The following TTN variants were observed in gnomAD, a reference collection of about 807,000 sequenced individuals.
The protein encoded by TTN is titin.
TTN carries 1,525 observed loss-of-function variants against 3,223.0 expected under a neutral mutation model. The observed-to-expected ratio is 0.47, with a 90% confidence interval of 0.45 to 0.49. The LOEUF (loss-of-function observed/expected upper bound fraction) is 0.49. TTN is among the 20% of genes least tolerant of loss of function. The pLI is 0.00. For synonymous variants in TTN, 14,094 were observed against 15,161.0 expected (o/e 0.93, Z 5.17); for missense variants, 40,786 against 43,424.0 (o/e 0.94, Z 5.40).
In TTN at chr2:178,713,334, C is replaced by A; in HGVS notation, c.26800G>T (p.Glu8934Ter). The change falls in exon 93 of 363, where the codon GAG becomes TAG. Residue 8934 changes from glutamate (E) to a stop codon, truncating the protein, a stop_gained. Coordinates refer to ENST00000589042, the MANE Select transcript of TTN (RefSeq NM_001267550.2). LOFTEE classifies it high-confidence loss of function. ...GAGGAGCCGGATAGACCATTTGTCTCTTTCAATTTTCTTGTGAATGAAGGA... is the reference window on the plus strand; with the variant it reads ...GAGGAGCCGGATAGACCATTTGTCTATTTCAATTTTCTTGTGAATGAAGGA... ...VPPSFTRKLK[E>*]TNGLSGSSVV... The A allele has an allele frequency of 6.4e-7, 1 of 1,558,786 alleles. No homozygotes were observed. The highest frequency in any genetic ancestry group is 2.4e-5 in the East Asian group (1 of 41,816).
rs1553970119 is a variant in TTN, at chr2:178,757,776, C to T, written c.10444G>A (p.Val3482Ile). Reference sequence around the variant, plus strand: ...CCAGAAACCCTCGCATGAAATCTGACTGTCTCCCCGTTGTGCACCCTGAGG... The same window carrying T: ...CCAGAAACCCTCGCATGAAATCTGATTGTCTCCCCGTTGTGCACCCTGAGG... ...SSLRVHNGET[V>I]RFHARVSGIP... The change falls in exon 45 of 363, where the codon GTC becomes ATC. Residue 3482 changes from valine to isoleucine, a missense_variant. Val to Ile is a conservative substitution (Grantham distance 29). Transcript: ENST00000589042. The T allele has an allele frequency of 2.5e-6, 4 of 1,613,788 alleles. No individual in the cohort carries two copies. Among genetic ancestry groups the T allele is most frequent in the Non-Finnish European group, 3.4e-6 (4 of 1,179,722 alleles).
At chr2:178,664,969 T>C (rs759763341) in intron 165 of TTN, 43 bp from the exon 166 acceptor site, 315 of 1,561,438 alleles carry the variant, frequency 2.0e-4, no homozygotes, top group Middle Eastern at 5.0e-4. Flanking sequence ...TTAAAATGAT[T>C]AATGGAAAAC....
intron 350 of TTN, 144 bp downstream of exon 350, chr2:178,541,137 TA>T: frequency 2.4e-6 from 2 of 828,258 alleles, no homozygotes; most frequent in Non-Finnish European, 3.4e-6. Context: ...TACGGGGTAA[TA>T]AAAATATTCC....
At position 178,649,310 on chromosome 2, in the gene TTN, A is replaced by G. The variant is rs1424568997; in HGVS notation, c.39995T>C (p.Leu13332Pro). ...CACAGGTTCTTTCTTTACTGGAACA[A>G]GTTTCTTGGGCACCTCAGGCACTTT... is the stretch of plus-strand genomic sequence containing the variant. The part of the protein sequence containing the change: ...AAKVPEVPKK[L>P]VPVKKEPVPV... Residue 13332 changes from leucine (L) to proline (P), a missense_variant, in exon 213 of 363, where the codon CTT (leucine) becomes CCT (proline). Physicochemically the swap from Leu to Pro is moderately conservative, Grantham distance 98 (BLOSUM62 -3). Coordinates refer to ENST00000589042, the MANE Select transcript of TTN (RefSeq NM_001267550.2). 1 of 1,470,170 alleles carries G rather than the reference A, an allele frequency of 6.8e-7. No homozygotes were observed. The highest frequency in any genetic ancestry group is 1.4e-5 in the South Asian group (1 of 69,542). 91.1% of individuals were successfully genotyped at this position (1,470,170 alleles called of 1,614,324 possible).
intron 243 of TTN, among the ~76,000 whole-genome samples, chr2:178,622,276 CATT>C (rs1357427104): frequency 1.3e-5 from 2 of 151,918 alleles, no homozygotes; most frequent in African/African-American, 4.8e-5. Context: ...GAGCCTTAGA[CATT>C]ATGCAGACTA....
At position 178,768,871 on chromosome 2, in the gene TTN, C is replaced by T; in HGVS notation, c.8965G>A (p.Glu2989Lys). The T allele has an allele frequency of 6.2e-7, 1 of 1,613,980 alleles. No individual in the cohort carries two copies. The highest frequency in any genetic ancestry group is 8.5e-7 in the Non-Finnish European group (1 of 1,179,978). The change falls in exon 38 of 363, where the codon GAG (glutamate) becomes AAG (lysine). Residue 2989 changes from glutamate to lysine, a missense_variant. Transcript: ENST00000589042. ...ATGCCTTCATAGTTCACTGTCACCT[C>T]AAAAGTAATAGTGTCTTTTTCTTCA... ...NAEEKDTITF[E>K]VTVNYEGISY...
Position 178,529,127 on chromosome 2 carries a change from G to A in TTN, c.106624C>T (p.Gln35542Ter). The A allele has an allele frequency of 6.3e-7, 1 of 1,589,346 alleles. No individual in the cohort carries two copies. Among genetic ancestry groups the A allele is most frequent in the Non-Finnish European group, 8.5e-7 (1 of 1,169,874 alleles). ...ATTTCTTCAGACCTTAGGGCTTTTTGGGAAATTTCCTCTTGGACAACAGCT... is the reference window on the plus strand; with the variant it reads ...ATTTCTTCAGACCTTAGGGCTTTTTAGGAAATTTCCTCTTGGACAACAGCT... ...KKAVVQEEIS[Q>*]KALRSEEIKM... The change falls in exon 360 of 363, where the codon CAA becomes TAA. Residue 35542 changes from glutamine (Q) to a stop codon, truncating the protein, a stop_gained. Coordinates refer to ENST00000589042, the MANE Select transcript of TTN (RefSeq NM_001267550.2). LOFTEE classifies it high-confidence loss of function.
intron 142 of TTN, 71 bp from the exon 143 acceptor site, chr2:178,678,901 A>G: frequency 1.6e-6 from 2 of 1,268,608 alleles, no homozygotes; most frequent in Non-Finnish European, 2.2e-6. Context: ...CTGGCAATGT[A>G]AGGCCTTAAC....
rs2047271045 is a variant in TTN, at chr2:178,579,770, T to C, written c.67427A>G (p.His22476Arg). The C allele has an allele frequency of 6.2e-7, 1 of 1,613,210 alleles. No individual in the cohort carries two copies. The highest frequency in any genetic ancestry group is 1.3e-5 in the African/African-American group (1 of 74,874). The change falls in exon 319 of 363, where the codon CAC becomes CGC. Residue 22476 changes from histidine to arginine, a missense_variant. His to Arg is a conservative substitution (Grantham distance 29, BLOSUM62 0). Coordinates refer to ENST00000589042, the MANE Select transcript of TTN (RefSeq NM_001267550.2). ...SSCSIGWKKP[H>R]SDGGSRIIGY... is the part of the protein sequence containing the mutation. ...AATAATCCGACTTCCACCATCACTG[T>C]GAGGCTTTTTCCAGCCAATGCTACA...
rs186595922 is a variant in TTN at position 178,634,132 on chromosome 2, A to G, written c.42416-49T>C. On this transcript the variant is annotated intron_variant, in intron 230 of 362. Coordinates refer to ENST00000589042, the MANE Select transcript of TTN (RefSeq NM_001267550.2). The surrounding 1 kb of genome is among the most constrained non-coding windows in gnomAD (Gnocchi z 4.6). ...CCTCAGAAACACAATTCACCTTCAGAAAGATTCCATTCTAATCTGCCTGAG... is the reference window on the plus strand; with the variant it reads ...CCTCAGAAACACAATTCACCTTCAGGAAGATTCCATTCTAATCTGCCTGAG... 1 of 1,602,746 alleles carries G rather than the reference A, an allele frequency of 6.2e-7. No individual in the cohort carries two copies. The highest frequency in any genetic ancestry group is 8.5e-7 in the Non-Finnish European group (1 of 1,176,894).
At chr2:178,725,006 T>A in intron 71 of TTN, 1 of 222,460 alleles carries the variant, frequency 4.5e-6, no homozygotes, top group Non-Finnish European at 8.7e-6. Flanking sequence ...TCATTAATTT[T>A]ATGTGGAAGC....
rs747713653 is a variant in TTN, at chr2:178,729,390, G to T, written c.18766C>A (p.Leu6256Ile). The change falls in exon 64 of 363, where the codon CTC becomes ATC. Residue 6256 changes from leucine to isoleucine, a missense_variant. Coordinates refer to ENST00000589042, the MANE Select transcript of TTN (RefSeq NM_001267550.2). ...TLTDRVSVFN[L>I]HITKCDPSDT... is the part of the protein sequence containing the mutation. ...GAAGGGTCACACTTGGTTATATGGA[G>T]GTTAAACACAGACACTCTGTCGGTC... 1 of 1,613,590 alleles carries T rather than the reference G, an allele frequency of 6.2e-7. No individual in the cohort carries two copies. The highest frequency in any genetic ancestry group is 8.5e-7 in the Non-Finnish European group (1 of 1,179,660).
Position 178,613,254 on chromosome 2 carries a change from T to A in TTN, c.49555A>T (p.Lys16519Ter). 1 of 1,610,692 alleles carries A rather than the reference T, an allele frequency of 6.2e-7. No individual in the cohort carries two copies. The highest frequency in any genetic ancestry group is 8.5e-7 in the Non-Finnish European group (1 of 1,178,582). Residue 16519 changes from lysine to a stop codon, truncating the protein, a stop_gained, in exon 264 of 363, where the codon AAA becomes TAA. Coordinates refer to ENST00000589042, the MANE Select transcript of TTN (RefSeq NM_001267550.2). LOFTEE classifies it high-confidence loss of function. ...GCCAACACACGGAATCTGTATTTTT[T>A]CTTATTAGTGAGACCTTTCACTCTG... is the stretch of plus-strand genomic sequence containing the variant. ...TYRVKGLTNKKKYRFRVLAEN... is the reference protein window; with the variant it reads ...TYRVKGLTNK
Position 178,734,814 on chromosome 2 carries a change from G to A in TTN, c.15110C>T (p.Ala5037Val), listed in dbSNP as rs2081160946. The A allele has an allele frequency of 6.8e-6, 11 of 1,613,784 alleles. No individual in the cohort carries two copies. Among genetic ancestry groups the A allele is most frequent in the Non-Finnish European group, 9.3e-6 (11 of 1,179,770 alleles). The change falls in exon 51 of 363, where the codon GCT (alanine) becomes GTT (valine). Residue 5037 changes from alanine to valine, a missense_variant. By Grantham distance (64) the Ala-to-Val change is moderately conservative. Transcript: ENST00000589042. ...TVRMYFVNSE[A>V]ILDITDVKVE... ...TTTTACATCCGTAATATCAAGTATAGCCTCAGAATTGACAAAATACATTCG... is the reference window on the plus strand; with the variant it reads ...TTTTACATCCGTAATATCAAGTATAACCTCAGAATTGACAAAATACATTCG...
chr2:178,637,169 A>ATATATATATC lies in TTN; in HGVS notation c.40927+199_40927+200insGATATATATA, dbSNP rs1553749373. Among the ~76,000 whole-genome samples the ATATATATATC allele has an allele frequency of 4.4e-4, 56 of 127,564 alleles. 1 individual carries two copies. Among genetic ancestry groups the ATATATATATC allele is most frequent in the Non-Finnish European group, 8.1e-4 (49 of 60,846 alleles). The allele number at this position is 127,564 out of a possible 152,430, so 83.7% of individuals were successfully genotyped here. A position where few individuals can be genotyped will look rare whatever the true frequency, so the allele number is the denominator to read the frequency against. On this transcript the variant is annotated intron_variant, in intron 224 of 362. Coordinates refer to ENST00000589042, the MANE Select transcript of TTN (RefSeq NM_001267550.2). ...TGGATATATATATATATATATATAT[A>ATATATATATC]TATATATATATATATATATATCTCC...
chr2:178,749,415 A>G (rs1273943377), intron 47 of TTN: 31 of 1,612,928 alleles, frequency 1.9e-5, no homozygotes, highest in African/African-American at 2.7e-5. Flanking sequence ...TTTTCTCTAG[A>G]AGGTATGCAA....
At position 178,574,611 on chromosome 2, in the gene TTN, C is replaced by G. The variant is rs764809055; in HGVS notation, c.71521G>C (p.Asp23841His). 6 of 1,613,122 alleles carry G rather than the reference C, an allele frequency of 3.7e-6. No homozygotes were observed. Among genetic ancestry groups the G allele is most frequent in the Non-Finnish European group, 4.2e-6 (5 of 1,179,496 alleles). Reference sequence around the variant, plus strand: ...TCATGCCAGCTAATTGTCATTGAATCCTTGGTAACTGCAGTTACCTGAGGG... The same window carrying G: ...TCATGCCAGCTAATTGTCATTGAATGCTTGGTAACTGCAGTTACCTGAGGG... ...GTPQVTAVTK[D>H]SMTISWHEPL... Residue 23841 changes from aspartate (D) to histidine (H), a missense_variant, in exon 326 of 363, where the codon GAT (aspartate) becomes CAT (histidine). Coordinates refer to ENST00000589042, the MANE Select transcript of TTN (RefSeq NM_001267550.2).
At position 178,694,913 on chromosome 2, in the gene TTN, G is replaced by A; in HGVS notation, c.31271-7C>T. 6.5e-7 allele frequency: 1 copy of A among 1,532,404 alleles called. No individual in the cohort carries two copies. The highest frequency in any genetic ancestry group is 8.8e-7 in the Non-Finnish European group (1 of 1,133,950). 94.9% of individuals were successfully genotyped at this position (1,532,404 alleles called of 1,614,324 possible). A position where few individuals can be genotyped will look rare whatever the true frequency, so the allele number is the denominator to read the frequency against. On this transcript the variant is annotated splice_polypyrimidine_tract_variant and splice_region_variant and intron_variant, in intron 115 of 362. Transcript: ENST00000589042. ...ATTACTGGCTTCTTTATAACTGCAA[G>A]CATTTTAGAGAAATTGCAGTACTTT...
intron 77 of TTN, 52 bp from the exon 78 acceptor site, chr2:178,722,186 T>G: frequency 1.3e-6 from 2 of 1,529,888 alleles, no homozygotes; most frequent in Non-Finnish European, 1.8e-6. Context: ...TTTTTTGCCA[T>G]TGGTCGTTTC....
Sources: allele counts gnomAD v4.1 joint callset (sites outside exome capture counted in the v4.1 genomes callset), GRCh38; gene constraint gnomAD v4.1.1; non-coding constraint Gnocchi (gnomAD v3.1); transcripts MANE v1.5; gene names NCBI Gene and HGNC (gene_info 2026-07-23, HGNC 2026-07-21).